Variants in ABR observed in about 807,000 individuals in gnomAD.
ABR encodes ABR activator of RhoGEF and GTPase.
ABR carries 35 observed loss-of-function variants against 107.2 expected under a neutral mutation model. The ratio of observed to expected loss-of-function variants is 0.33; its 90% CI spans 0.25 to 0.43. The LOEUF is 0.43. Ranked by LOEUF, ABR falls within the 20% of genes least tolerant of loss-of-function variation. The probability of loss-of-function intolerance (pLI) is 1.00; values close to 1 mark genes in which losing one functional copy is unlikely to be tolerated. For synonymous variants in ABR, 498 were observed against 462.0 expected, an observed-to-expected ratio of 1.08 and a Z score of -1.00; for missense variants, 815 against 1,115.2, an observed-to-expected ratio of 0.73 and a Z score of 3.83.
chr17:1,215,916 C>T (rs1347252254), intron 1 of ABR, among the ~76,000 whole-genome samples: 1 of 9,684 alleles, frequency 1.0e-4, no homozygotes, highest in Non-Finnish European at 2.9e-3. Context: ...TGTGTCCACT[C>T]AGGGTAAATG....
intron 4 of ABR, among the ~76,000 whole-genome samples, chr17:1,087,593 C>T (rs375727105): frequency 5.9e-5 from 8 of 134,836 alleles, no homozygotes; most frequent in Admixed American, 1.5e-4. Context: ...TAAAAGGGGG[C>T]GGGGCCGGAC....
In ABR at chr17:1,076,098, C is replaced by T. The variant is rs1263655497; in HGVS notation, c.701-2421G>A. On this transcript the variant is annotated intron_variant, in intron 6 of 22. Transcript: ENST00000302538. ...TATGTTGCTGGTCTCGAACTCCTGG[C>T]CTCAAGCCAAATACAAGCTGGTCTC... 2.6e-5 allele frequency among the ~76,000 whole-genome samples: 4 copies of T among 152,286 alleles called. No individual in the cohort carries two copies. In the East Asian group the frequency reaches 7.7e-4, roughly 29 times the overall value.
chr17:1,011,579 G>A lies in ABR; in HGVS notation c.2101+267C>T, dbSNP rs948000766. 1 of 321,868 alleles carries A rather than the reference G, an allele frequency of 3.1e-6. No individual in the cohort carries two copies. The highest frequency in any genetic ancestry group is 5.7e-6 in the Non-Finnish European group (1 of 176,406). 19.9% of individuals were successfully genotyped at this position (321,868 alleles called of 1,614,324 possible). A position where few individuals can be genotyped will look rare whatever the true frequency, so the allele number is the denominator to read the frequency against. ...AGAAAGACACTGGAGTCAGATCTGA[G>A]TTTTAAGTCCAGAACCAAAACCTAC... On this transcript the variant is annotated intron_variant, in intron 19 of 22. Coordinates refer to ENST00000302538, the MANE Select transcript of ABR (RefSeq NM_021962.5). This position sits in a 1 kb window ranked among gnomAD's most constrained non-coding sequence, Gnocchi z 4.8.
intron 1 of ABR, chr17:1,156,301 G>A (rs2041038602): frequency 6.6e-6 from 1 of 152,200 alleles, no homozygotes; most frequent in African/African-American, 2.4e-5. Flanking sequence ...CCCTTCACAT[G>A]GGCGACAGTG....
chr17:1,188,857 C>T (rs1163867919), upstream of ABR, among the ~76,000 whole-genome samples: 6 of 152,208 alleles, frequency 3.9e-5, 1 homozygote, highest in Admixed American at 3.3e-4. Flanking sequence ...CAAGGGAAGC[C>T]GGTGCCTCTG....
intron 16 of ABR, among the ~76,000 whole-genome samples, chr17:1,036,875 G>C (rs1000721636): frequency 6.6e-6 from 1 of 152,128 alleles, no homozygotes; most frequent in Non-Finnish European, 1.5e-5. Context: ...CCCACCCATC[G>C]GATACCTCTG....
chr17:1,195,302 CT>C (rs1683049808), intron 1 of ABR, among the ~76,000 whole-genome samples: 1 of 103,092 alleles, frequency 9.7e-6, no homozygotes, highest in Non-Finnish European at 2.0e-5. Context: ...ATGAGACTGT[CT>C]CAAAAAAAAA....
intron 2 of ABR, among the ~76,000 whole-genome samples, chr17:1,120,153 G>T (rs2151434968): frequency 6.6e-6 from 1 of 152,298 alleles, no homozygotes; most frequent in East Asian, 1.9e-4. Flanking sequence ...AGTTGTTGGG[G>T]CTCTTAAATG....
Position 1,065,614 on chromosome 17 carries a change from C to G in ABR, c.1182+1463G>C, listed in dbSNP as rs117291179. Among the ~76,000 whole-genome samples, 113 of 150,398 alleles carry G rather than the reference C, an allele frequency of 7.5e-4. 2 individuals carry two copies. The East Asian group carries it at 0.019, about 25-fold the overall frequency. On this transcript the variant is annotated intron_variant, in intron 10 of 22. Coordinates refer to ENST00000302538, the MANE Select transcript of ABR (RefSeq NM_021962.5). ...GCTATTCATGTTCCTCTAAACAGCA[C>G]TTTGGCTGCATCCATGGGTACTGGT...
Position 1,050,326 on chromosome 17 carries a change from C to A in ABR, c.1660-145G>T. On this transcript the variant is annotated intron_variant, in intron 15 of 22. Coordinates refer to ENST00000302538, the MANE Select transcript of ABR (RefSeq NM_021962.5). The surrounding 1 kb of genome is among the most constrained non-coding windows in gnomAD (Gnocchi z 4.6). Reference sequence around the variant, plus strand: ...TCAGATTTTCTGGAGCTCCCAGAGGCCTCCCATCACCCCTGGAGTCTGGGG... The same window carrying A: ...TCAGATTTTCTGGAGCTCCCAGAGGACTCCCATCACCCCTGGAGTCTGGGG... 8.8e-7 allele frequency: 1 copy of A among 1,138,094 alleles called. No individual in the cohort carries two copies. The highest frequency in any genetic ancestry group is 1.2e-6 in the Non-Finnish European group (1 of 812,260). 70.5% of individuals were successfully genotyped at this position (1,138,094 alleles called of 1,614,324 possible).
intron 1 of ABR, chr17:1,126,623 G>A (rs986300820): frequency 1.3e-5 from 2 of 152,314 alleles, no homozygotes; most frequent in Non-Finnish European, 2.9e-5. Context: ...CTTCCGGGCG[G>A]GACTCCCTGG....
At chr17:1,204,265 T>G (rs1244638461) in intron 1 of ABR, among the ~76,000 whole-genome samples, 1 of 152,146 alleles carries the variant, frequency 6.6e-6, no homozygotes, top group African/African-American at 2.4e-5. Flanking sequence ...GACGGCATGG[T>G]GAAACCCCGT....
rs1252693439 is a variant in ABR, at chr17:1,159,550, TAGGA to T, written c.61+20113_61+20116del. On this transcript the variant is annotated intron_variant, in intron 1 of 22. Coordinates refer to ENST00000302538, the MANE Select transcript of ABR (RefSeq NM_021962.5). Reference sequence around the variant, plus strand: ...ATGCGGTACTCACACACGGGAGAAGTAGGAATGCGGTACTCACACACGGGAGAAG... The same window carrying T: ...ATGCGGTACTCACACACGGGAGAAGTATGCGGTACTCACACACGGGAGAAG... Among the ~76,000 whole-genome samples, 31 of 55,748 alleles carry T rather than the reference TAGGA, an allele frequency of 5.6e-4. 1 individual carries two copies. The highest frequency in any genetic ancestry group is 1.9e-3 in the South Asian group (3 of 1,614). The allele number at this position is 55,748 out of a possible 152,430, so 36.6% of individuals were successfully genotyped here. A position where few individuals can be genotyped will look rare whatever the true frequency, so the allele number is the denominator to read the frequency against.
intron 1 of ABR, among the ~76,000 whole-genome samples, chr17:1,146,708 CACTGCCACT>C (rs1386126392): frequency 6.0e-5 from 9 of 150,718 alleles, no homozygotes; most frequent in South Asian, 4.2e-4. Flanking sequence ...ACCATGCCAC[CACTGCCACT>C]ACTGCCACCA....
At chr17:1,142,742 C>G (rs993417539) in intron 1 of ABR, among the ~76,000 whole-genome samples, 9 of 152,112 alleles carry the variant, frequency 5.9e-5, no homozygotes, top group African/African-American at 2.2e-4. Context: ...ACAAGACGGA[C>G]GGAAAGGGCT....
chr17:1,175,417 A>C (rs1412830141), intron 1 of ABR, among the ~76,000 whole-genome samples: 7 of 152,222 alleles, frequency 4.6e-5, no homozygotes, highest in African/African-American at 1.7e-4. Context: ...GTCTCAAAAA[A>C]AAGAGAGCCT....
chr17:1,097,121 G>A (rs1360402277), intron 3 of ABR, among the ~76,000 whole-genome samples: 3 of 152,212 alleles, frequency 2.0e-5, no homozygotes, highest in East Asian at 1.9e-4. Context: ...TTGGCCCAGA[G>A]GAAGAGGCTC....
chr17:1,100,887 A>G (rs1443902205), intron 2 of ABR, 152 bp from the exon 3 acceptor site: 10 of 704,352 alleles, frequency 1.4e-5, no homozygotes, highest in East Asian at 2.7e-5. Context: ...AAAGTGGCAC[A>G]ATCTCGGCTC....
Position 1,019,972 on chromosome 17 carries a change from G to A in ABR, c.1792-6808C>T, listed in dbSNP as rs189875601. Among the ~76,000 whole-genome samples the A allele has an allele frequency of 2.1e-3, 326 of 152,338 alleles. 5 individuals are homozygous for A. The highest frequency in any genetic ancestry group is 7.9e-4 in the Non-Finnish European group (54 of 68,032). On this transcript the variant is annotated intron_variant, in intron 16 of 22. Transcript: ENST00000302538. ...GGGGCCTCCCCAAGGTGGGCCACAGGCAGGAGACAGAAACAGGCTGCAAAA... is the reference window on the plus strand; with the variant it reads ...GGGGCCTCCCCAAGGTGGGCCACAGACAGGAGACAGAAACAGGCTGCAAAA...
Sources: gnomAD v4.1 joint callset for allele counts (sites outside exome capture counted in the v4.1 genomes callset) on GRCh38, gnomAD v4.1.1 for gene constraint, Gnocchi (gnomAD v3.1) non-coding constraint, MANE v1.5 for transcripts, NCBI Gene and HGNC (gene_info 2026-07-23, HGNC 2026-07-21) for gene names.